The following KCNJ3 variants were observed in gnomAD, a reference collection of about 807,000 sequenced individuals.
The protein encoded by KCNJ3 is G protein-activated inward rectifier potassium channel 1.
In KCNJ3, 4 loss-of-function variants were observed where a neutral mutation model predicts 39.2. The observed-to-expected ratio is 0.10, with a 90% CI of 0.05 to 0.23. The LOEUF is 0.23. Ranked by LOEUF, KCNJ3 falls within the 10% of genes least tolerant of loss-of-function variation. The probability of loss-of-function intolerance (pLI) is 1.00; values close to 1 mark genes in which losing one functional copy is unlikely to be tolerated. For synonymous variants in KCNJ3, 230 were observed against 237.4 expected (o/e 0.97, Z 0.29); for missense variants, 276 against 634.9 (o/e 0.43, Z 6.08).
rs779681417 is a variant in KCNJ3, at chr2:154,698,827, T to G, written c.52T>G (p.Ser18Ala). Residue 18 changes from serine (S) to alanine (A), a missense_variant, in exon 1 of 3, where the codon TCG (serine) becomes GCG (alanine). By Grantham distance (99) the Ser-to-Ala change is moderately conservative. Transcript: ENST00000295101. ...FGDDYQVVTTSSSGSGLQPQG... is the reference protein window; with the variant it reads ...FGDDYQVVTTASSGSGLQPQG... ...GGACGATTATCAGGTAGTGACCACATCGTCCAGCGGCTCGGGCTTGCAGCC... is the reference window on the plus strand; with the variant it reads ...GGACGATTATCAGGTAGTGACCACAGCGTCCAGCGGCTCGGGCTTGCAGCC... The G allele has an allele frequency of 6.2e-7, 1 of 1,614,064 alleles. No individual in the cohort carries two copies. Among genetic ancestry groups the G allele is most frequent in the Non-Finnish European group, 8.5e-7 (1 of 1,179,992 alleles).
intron 2 of KCNJ3, among the ~76,000 whole-genome samples, chr2:154,723,893 C>T (rs1243861919): frequency 6.6e-6 from 1 of 152,066 alleles, no homozygotes; most frequent in Admixed American, 6.6e-5. Flanking sequence ...AGATAAATTA[C>T]AATTTATAGC....
intron 2 of KCNJ3, among the ~76,000 whole-genome samples, chr2:154,723,580 T>TA (rs1685300159): frequency 6.6e-6 from 1 of 152,014 alleles, no homozygotes; most frequent in Non-Finnish European, 1.5e-5. Context: ...TAAGTAACAA[T>TA]AATATACGTA....
intron 2 of KCNJ3, among the ~76,000 whole-genome samples, chr2:154,845,338 C>T (rs572075834): frequency 1.2e-3 from 175 of 152,008 alleles, no homozygotes; most frequent in African/African-American, 3.4e-3. Context: ...AGGCTGGTCT[C>T]GAACTCCTGA....
intron 2 of KCNJ3, among the ~76,000 whole-genome samples, chr2:154,788,795 C>T (rs1241177936): frequency 2.0e-5 from 3 of 149,666 alleles, no homozygotes; most frequent in Non-Finnish European, 4.4e-5. Context: ...AAAAGAAACT[C>T]AGGTGTAAGA....
At chr2:154,716,357 C>T (rs1041811951) in intron 2 of KCNJ3, among the ~76,000 whole-genome samples, 5 of 147,608 alleles carry the variant, frequency 3.4e-5, no homozygotes, top group African/African-American at 1.2e-4. Context: ...GATCTCCTGA[C>T]CTCATGATTC....
At chr2:154,756,471 C>A (rs1465153514) in intron 2 of KCNJ3, among the ~76,000 whole-genome samples, 1 of 152,030 alleles carries the variant, frequency 6.6e-6, no homozygotes, top group Admixed American at 6.6e-5. Flanking sequence ...GTGCCATTTT[C>A]ATTAAAAGTG....
At chr2:154,839,513 G>C (rs1321905300) in intron 2 of KCNJ3, among the ~76,000 whole-genome samples, 2 of 152,156 alleles carry the variant, frequency 1.3e-5, no homozygotes, top group Non-Finnish European at 2.9e-5. Context: ...TTGCCACACT[G>C]TCTTCCACAA....
At chr2:154,712,732 G>A (rs918410571) in intron 2 of KCNJ3, among the ~76,000 whole-genome samples, 17 of 152,238 alleles carry the variant, frequency 1.1e-4, no homozygotes, top group Non-Finnish European at 2.1e-4. Context: ...TCAGGAGGCC[G>A]AAGTGGAAGG....
chr2:154,733,846 A>G (rs565342948), intron 2 of KCNJ3, among the ~76,000 whole-genome samples: 1 of 152,238 alleles, frequency 6.6e-6, no homozygotes, highest in Admixed American at 6.5e-5. Context: ...CTTATCCCAT[A>G]GAAGATTGAA....
intron 2 of KCNJ3, among the ~76,000 whole-genome samples, chr2:154,738,754 A>C (rs1685592763): frequency 6.6e-6 from 1 of 152,128 alleles, no homozygotes; most frequent in Non-Finnish European, 1.5e-5. Context: ...AAAGAAGCCA[A>C]GCTAGACTGC....
At chr2:154,768,310 A>G (rs1686172146) in intron 2 of KCNJ3, among the ~76,000 whole-genome samples, 1 of 152,140 alleles carries the variant, frequency 6.6e-6, no homozygotes, top group Non-Finnish European at 1.5e-5. Context: ...TAGGGTTTTT[A>G]TGGTTTTAGG....
intron 2 of KCNJ3, among the ~76,000 whole-genome samples, chr2:154,783,218 T>C (rs887158058): frequency 7.2e-5 from 11 of 152,120 alleles, no homozygotes; most frequent in Non-Finnish European, 1.5e-4. Flanking sequence ...TTAAGAAATA[T>C]ACAGAGGAGA....
chr2:154,744,120 A>C (rs1685697676), intron 2 of KCNJ3, among the ~76,000 whole-genome samples: 1 of 151,738 alleles, frequency 6.6e-6, no homozygotes, highest in South Asian at 2.1e-4. Context: ...CTCTTCACTT[A>C]GTTAATATTG....
chr2:154,726,772 AC>A, intron 2 of KCNJ3, among the ~76,000 whole-genome samples: 1 of 143,988 alleles, frequency 6.9e-6, no homozygotes, highest in Non-Finnish European at 1.5e-5. Flanking sequence ...ATACACACAC[AC>A]ACACACATAC....
chr2:154,786,978 T>G (rs369972029), intron 2 of KCNJ3, among the ~76,000 whole-genome samples: 2 of 152,316 alleles, frequency 1.3e-5, no homozygotes, highest in South Asian at 2.1e-4. Flanking sequence ...TAGCTTTCTG[T>G]ATAACTTGAG....
intron 2 of KCNJ3, among the ~76,000 whole-genome samples, chr2:154,734,483 G>T (rs1240648772): frequency 1.3e-5 from 2 of 152,150 alleles, no homozygotes; most frequent in East Asian, 3.9e-4. Flanking sequence ...ACAATTAAGT[G>T]TGAGCCACCT....
intron 2 of KCNJ3, among the ~76,000 whole-genome samples, chr2:154,796,063 T>G (rs556014597): frequency 1.3e-5 from 2 of 152,130 alleles, no homozygotes; most frequent in East Asian, 3.9e-4. Context: ...TTAACTATCA[T>G]GTATATAACA....
intron 1 of KCNJ3, among the ~76,000 whole-genome samples, chr2:154,703,199 C>T (rs12471749): frequency 0.56 from 85,141 of 151,822 alleles, 24,227 homozygotes; most frequent in African/African-American, 0.6. Flanking sequence ...TATGGTTATA[C>T]TCATCCAGTC....
At chr2:154,780,032 A>G (rs542165232) in intron 2 of KCNJ3, among the ~76,000 whole-genome samples, 2 of 152,182 alleles carry the variant, frequency 1.3e-5, no homozygotes, top group Non-Finnish European at 2.9e-5. Flanking sequence ...ATAACACTCT[A>G]ATAACAGTAT....
Sources: gnomAD v4.1 joint callset for allele counts (sites outside exome capture counted in the v4.1 genomes callset) on GRCh38, gnomAD v4.1.1 for gene constraint, MANE v1.5 for transcripts, NCBI Gene and HGNC (gene_info 2026-07-23, HGNC 2026-07-21) for gene names.